The following ABCB5 variants were observed in gnomAD, a reference collection of about 807,000 sequenced individuals.
ABCB5 encodes the protein ATP binding cassette subfamily B member 5, also known as ATP-binding cassette sub-family B member 5.
Under a neutral mutation model 144.2 loss-of-function variants are expected in ABCB5, and 155 were observed. The ratio of observed to expected loss-of-function variants is 1.08; its 90% CI spans 0.94 to 1.23. The LOEUF is 1.23. Ranked by LOEUF, ABCB5 falls within the 50% of genes most tolerant of loss-of-function variation. The pLI, the probability that ABCB5 is intolerant of heterozygous loss-of-function variation, is 0.00. For missense variants in ABCB5, 1,830 were observed against 1,520.8 expected, an observed-to-expected ratio of 1.20 and a Z score of -3.38; for synonymous variants, 610 against 528.6, an observed-to-expected ratio of 1.15 and a Z score of -2.11.
intron 14 of ABCB5, among the ~76,000 whole-genome samples, chr7:20,665,043 C>T (rs184975418): frequency 6.6e-6 from 1 of 152,242 alleles, no homozygotes; most frequent in East Asian, 1.9e-4. Flanking sequence ...TTAGAAGTGA[C>T]AATGAAGAGA....
At chr7:20,692,738 A>T (rs539591307) in intron 16 of ABCB5, among the ~76,000 whole-genome samples, 5 of 152,264 alleles carry the variant, frequency 3.3e-5, no homozygotes, top group African/African-American at 9.6e-5. Context: ...AAAAGAAACT[A>T]AAGTATTATA....
intron 20 of ABCB5, among the ~76,000 whole-genome samples, chr7:20,721,446 C>T (rs1351031398): frequency 6.6e-6 from 1 of 152,120 alleles, no homozygotes; most frequent in African/African-American, 2.4e-5. Context: ...TTTTTGAGTA[C>T]CTTTATATAT....
At chr7:20,746,847 A>G (rs529838698) in intron 26 of ABCB5, among the ~76,000 whole-genome samples, 9 of 152,348 alleles carry the variant, frequency 5.9e-5, no homozygotes, top group African/African-American at 2.2e-4. Flanking sequence ...GCGAATTTCT[A>G]CATGTGATTT....
chr7:20,731,919 T>C (rs1210063186), intron 23 of ABCB5, among the ~76,000 whole-genome samples: 2 of 152,182 alleles, frequency 1.3e-5, no homozygotes, highest in Non-Finnish European at 2.9e-5. Flanking sequence ...TGCTTCCCTA[T>C]AATCCATTCT....
In ABCB5 at chr7:20,727,023, T is replaced by C. The variant is rs1782058270; in HGVS notation, c.2626-17T>C. ...TTACTAATTTTATTTCTATATTGTA[T>C]TGTCCTGTTTTATAAGATAGCAACT... On this transcript the variant is annotated splice_polypyrimidine_tract_variant and intron_variant, in intron 21 of 27. Transcript: ENST00000404938. 6.4e-7 allele frequency: 1 copy of C among 1,556,000 alleles called. No individual in the cohort carries two copies. Among genetic ancestry groups the C allele is most frequent in the African/African-American group, 1.4e-5 (1 of 73,384 alleles).
intron 4 of ABCB5, among the ~76,000 whole-genome samples, chr7:20,631,379 G>A (rs1395336819): frequency 2.0e-5 from 3 of 152,022 alleles, no homozygotes; most frequent in Non-Finnish European, 4.4e-5. Context: ...TGATGTTATG[G>A]TTATAACAGA....
At chr7:20,711,808 C>CT (rs1787058241) in intron 20 of ABCB5, among the ~76,000 whole-genome samples, 1 of 47,246 alleles carries the variant, frequency 2.1e-5, no homozygotes, top group South Asian at 7.6e-4. Flanking sequence ...TTCTTTCTTT[C>CT]TTTCTTTCTT....
chr7:20,679,471 C>CAAA (rs768696376), intron 14 of ABCB5, among the ~76,000 whole-genome samples: 57 of 59,442 alleles, frequency 9.6e-4, no homozygotes, highest in Middle Eastern at 0.013. Context: ...AACTCCATCT[C>CAAA]AAAAAAAAAA....
At chr7:20,694,010 ATTC>A (rs1786320979) in intron 16 of ABCB5, among the ~76,000 whole-genome samples, 3 of 151,346 alleles carry the variant, frequency 2.0e-5, no homozygotes, top group Admixed American at 1.3e-4. Flanking sequence ...CTGTGGTTAA[ATTC>A]TTTTTTCCCT....
At chr7:20,719,941 A>G (rs1368834469) in intron 20 of ABCB5, among the ~76,000 whole-genome samples, 1 of 96,842 alleles carries the variant, frequency 1.0e-5, no homozygotes, top group South Asian at 3.8e-4. Flanking sequence ...GTACCTATCA[A>G]TACACACACA....
intron 23 of ABCB5, among the ~76,000 whole-genome samples, chr7:20,728,659 C>G (rs1051822919): frequency 1.3e-5 from 2 of 152,130 alleles, no homozygotes; most frequent in African/African-American, 4.8e-5. Context: ...GAGGCTGAGG[C>G]AGGAGAATCG....
At chr7:20,748,996 T>C (rs1782823467) in intron 26 of ABCB5, among the ~76,000 whole-genome samples, 1 of 152,242 alleles carries the variant, frequency 6.6e-6, no homozygotes, top group Non-Finnish European at 1.5e-5. Flanking sequence ...CAATCTGCCA[T>C]GTCCTGCTTC....
intron 5 of ABCB5, among the ~76,000 whole-genome samples, chr7:20,638,216 A>G (rs1784207563): frequency 6.6e-6 from 1 of 152,204 alleles, no homozygotes; most frequent in South Asian, 2.1e-4. Context: ...AAATGCACAA[A>G]GAAGACAATT....
chr7:20,694,526 C>T (rs368134480), intron 16 of ABCB5, among the ~76,000 whole-genome samples: 2 of 151,934 alleles, frequency 1.3e-5, no homozygotes, highest in African/African-American at 4.8e-5. Flanking sequence ...TGGTGAAAGA[C>T]TAAGATCGAG....
chr7:20,683,896 A>G (rs1785905864), intron 15 of ABCB5, among the ~76,000 whole-genome samples: 1 of 152,220 alleles, frequency 6.6e-6, no homozygotes, highest in Non-Finnish European at 1.5e-5. Context: ...CTGCTAAAAT[A>G]ATCCCGAGAA....
At position 20,711,786 on chromosome 7, in the gene ABCB5, T is replaced by TTCTCTCTCTC. The variant is rs1491248865; in HGVS notation, c.2421+6982_2421+6983insCTCTCTCTCT. Among the ~76,000 whole-genome samples the TTCTCTCTCTC allele has an allele frequency of 8.5e-3, 289 of 34,164 alleles. 26 individuals are homozygous for TTCTCTCTCTC. Among genetic ancestry groups the TTCTCTCTCTC allele is most frequent in the Admixed American group, 0.019 (52 of 2,738 alleles). The allele number at this position is 34,164 out of a possible 152,430, so 22.4% of individuals were successfully genotyped here. A position where few individuals can be genotyped will look rare whatever the true frequency, so the allele number is the denominator to read the frequency against. On this transcript the variant is annotated intron_variant, in intron 20 of 27. Coordinates refer to ENST00000404938, the MANE Select transcript of ABCB5 (RefSeq NM_001163941.2). ...CCTGCCTTTCCTTCTTTCTCTTTCT[T>TTCTCTCTCTC]TCTTTCTTTCTTTCTTTCTTTCTTT...
intron 20 of ABCB5, among the ~76,000 whole-genome samples, chr7:20,718,478 T>C (rs1378901780): frequency 6.6e-6 from 1 of 152,214 alleles, no homozygotes; most frequent in Non-Finnish European, 1.5e-5. Context: ...TTTTGAGTGT[T>C]TGCTGTTGTG....
At chr7:20,658,748 G>T in intron 14 of ABCB5, 72 bp downstream of exon 14, 1 of 1,535,216 alleles carries the variant, frequency 6.5e-7, no homozygotes, top group Non-Finnish European at 8.8e-7. Flanking sequence ...AGAAAGTATA[G>T]ATCTGTAATA....
Position 20,752,053 on chromosome 7 carries a change from A to C in ABCB5, c.3430-1307A>C, listed in dbSNP as rs549739496. 2.0e-5 allele frequency among the ~76,000 whole-genome samples: 3 copies of C among 152,336 alleles called. No individual in the cohort carries two copies. The South Asian group carries it at 6.2e-4, about 32-fold the overall frequency. ...GTGACACCAACTCTGTCCAAAATGC[A>C]CTTCCTGAAGGCAGTCAGATGTGGA... On this transcript the variant is annotated intron_variant, in intron 26 of 27. Coordinates refer to ENST00000404938, the MANE Select transcript of ABCB5 (RefSeq NM_001163941.2).
Sources: gnomAD v4.1 joint callset for allele counts (sites outside exome capture counted in the v4.1 genomes callset) on GRCh38, gnomAD v4.1.1 for gene constraint, MANE v1.5 for transcripts, NCBI Gene and HGNC (gene_info 2026-07-23, HGNC 2026-07-21) for gene names.